HPSE2: variants seen among roughly 807,000 people sequenced by gnomAD.
HPSE2 encodes the protein heparanase 2 (inactive).
HPSE2 carries 38 observed loss-of-function variants against 60.5 expected under a neutral mutation model. That is an observed-to-expected ratio of 0.63 (90% CI 0.48 to 0.82). The LOEUF (loss-of-function observed/expected upper bound fraction) is 0.82. Among genes scored for constraint, HPSE2 ranks in the 40% least tolerant of loss-of-function variants. The pLI, the probability that HPSE2 is intolerant of heterozygous loss-of-function variation, is 0.00. For missense variants in HPSE2, 713 were observed against 740.4 expected (o/e 0.96, Z 0.43); for synonymous variants, 295 against 293.2 (o/e 1.01, Z -0.06).
intron 9 of HPSE2, among the ~76,000 whole-genome samples, chr10:98,598,081 G>T (rs1945296838): frequency 6.9e-6 from 1 of 144,536 alleles, no homozygotes. Flanking sequence ...TTCCACCTCT[G>T]ACAGTATATT....
intron 3 of HPSE2, among the ~76,000 whole-genome samples, chr10:99,005,746 T>C (rs565051858): frequency 2.9e-4 from 44 of 152,318 alleles, no homozygotes; most frequent in Middle Eastern, 3.4e-3. Flanking sequence ...TTATCTTACA[T>C]TGAAGCTTGC....
intron 3 of HPSE2, among the ~76,000 whole-genome samples, chr10:99,078,916 A>C (rs1226206191): frequency 6.6e-6 from 1 of 152,130 alleles, no homozygotes; most frequent in Admixed American, 6.5e-5. Flanking sequence ...AGCCACCCTT[A>C]GGCATCAAGA....
chr10:99,266,650 T>C, the HPSE2 span, among the ~76,000 whole-genome samples: 1 of 152,156 alleles, frequency 6.6e-6, no homozygotes, highest in Non-Finnish European at 1.5e-5. Context: ...CCACAGCTGA[T>C]GCTCTCTTGA....
chr10:98,943,239 C>A (rs1008843442), intron 3 of HPSE2, among the ~76,000 whole-genome samples: 30 of 148,702 alleles, frequency 2.0e-4, no homozygotes, highest in Non-Finnish European at 3.0e-5. Context: ...AATAATAATA[C>A]AATAAAAAAT....
chr10:98,553,088 T>A (rs1943908052), intron 9 of HPSE2, among the ~76,000 whole-genome samples: 2 of 152,328 alleles, frequency 1.3e-5, no homozygotes, highest in Non-Finnish European at 2.9e-5. Flanking sequence ...TCATTGCAGT[T>A]CCCATCTCTT....
At chr10:98,744,963 G>A (rs1182071935) in intron 3 of HPSE2, among the ~76,000 whole-genome samples, 1 of 152,222 alleles carries the variant, frequency 6.6e-6, no homozygotes, top group Non-Finnish European at 1.5e-5. Context: ...AGCACTTTGG[G>A]AGGCCGAGGC....
intron 7 of HPSE2, among the ~76,000 whole-genome samples, chr10:98,632,613 C>T (rs1337959402): frequency 6.6e-6 from 1 of 152,114 alleles, no homozygotes; most frequent in African/African-American, 2.4e-5. Flanking sequence ...CTCCCATTTG[C>T]AGATGCACAG....
intron 9 of HPSE2, among the ~76,000 whole-genome samples, chr10:98,578,871 C>G (rs1944712141): frequency 6.6e-6 from 1 of 152,126 alleles, no homozygotes; most frequent in Admixed American, 6.6e-5. Context: ...ACTCTCAAAG[C>G]TCAGTTACCC....
At chr10:98,968,530 A>G (rs767144863) in intron 3 of HPSE2, among the ~76,000 whole-genome samples, 1 of 152,222 alleles carries the variant, frequency 6.6e-6, no homozygotes, top group Non-Finnish European at 1.5e-5. Context: ...AAGTTGTTAT[A>G]TGAAAAAGAC....
chr10:98,955,435 G>T (rs534513349), intron 3 of HPSE2, among the ~76,000 whole-genome samples: 1 of 152,248 alleles, frequency 6.6e-6, no homozygotes, highest in South Asian at 2.1e-4. Context: ...TCAGAATGGT[G>T]ATTATTAGAA....
intron 3 of HPSE2, among the ~76,000 whole-genome samples, chr10:98,986,949 G>A (rs968325596): frequency 1.2e-4 from 18 of 152,112 alleles, no homozygotes; most frequent in African/African-American, 4.3e-4. Flanking sequence ...CCAGGAAGAA[G>A]CTGAGTCTCT....
At chr10:99,038,635 A>G (rs1957664717) in intron 3 of HPSE2, among the ~76,000 whole-genome samples, 1 of 152,104 alleles carries the variant, frequency 6.6e-6, no homozygotes, top group South Asian at 2.1e-4. Flanking sequence ...AATATATATG[A>G]AAAAATGACA....
chr10:99,191,744 A>C (rs1438341487), intron 2 of HPSE2, among the ~76,000 whole-genome samples: 1 of 152,184 alleles, frequency 6.6e-6, no homozygotes, highest in African/African-American at 2.4e-5. Context: ...AACCATCAAC[A>C]ACATCCAGGA....
At chr10:98,973,432 G>A (rs1390096472) in intron 3 of HPSE2, among the ~76,000 whole-genome samples, 7 of 152,112 alleles carry the variant, frequency 4.6e-5, no homozygotes, top group Non-Finnish European at 8.8e-5. Flanking sequence ...AAGCACCAAG[G>A]TGAGCCATTA....
chr10:99,305,979 G>GCGCGTGCACACACACACACA, the HPSE2 span, among the ~76,000 whole-genome samples: 1 of 80,580 alleles, frequency 1.2e-5, no homozygotes, highest in African/African-American at 5.4e-5. Flanking sequence ...GCGCGCGCGC[G>GCGCGTGCACACACACACACA]CACACACACA....
intron 9 of HPSE2, among the ~76,000 whole-genome samples, chr10:98,527,859 C>G (rs1203274496): frequency 6.6e-6 from 1 of 152,142 alleles, no homozygotes; most frequent in Non-Finnish European, 1.5e-5. Flanking sequence ...TGTTTAAAAA[C>G]TGGACCTCTG....
chr10:98,843,403 G>C (rs1222336194), intron 3 of HPSE2, among the ~76,000 whole-genome samples: 7 of 151,972 alleles, frequency 4.6e-5, no homozygotes, highest in Non-Finnish European at 7.4e-5. Flanking sequence ...GTTGGTATTA[G>C]GATAATCCAA....
At chr10:98,735,642 C>T (rs1949338270) in intron 4 of HPSE2, among the ~76,000 whole-genome samples, 1 of 152,104 alleles carries the variant, frequency 6.6e-6, no homozygotes, top group Non-Finnish European at 1.5e-5. Context: ...CACGGGAACC[C>T]ATCTTTTGCA....
intron 11 of HPSE2, among the ~76,000 whole-genome samples, chr10:98,478,814 C>A (rs993883185): frequency 1.3e-5 from 2 of 152,180 alleles, no homozygotes; most frequent in Non-Finnish European, 2.9e-5. Context: ...TTTGTACACA[C>A]TGCAATTTTC....
Sources: gnomAD v4.1 joint callset for allele counts (sites outside exome capture counted in the v4.1 genomes callset) on GRCh38, gnomAD v4.1.1 for gene constraint, MANE v1.5 for transcripts, NCBI Gene and HGNC (gene_info 2026-07-23, HGNC 2026-07-21) for gene names.